The following RCAN3 variants were observed in gnomAD, a reference collection of about 807,000 sequenced individuals.
RCAN3 encodes regulator of calcineurin 3.
RCAN3 carries 19 observed loss-of-function variants against 21.9 expected under a neutral mutation model. That is an observed-to-expected ratio of 0.87 (90% CI 0.61 to 1.27). RCAN3 has a LOEUF of 1.27. Among genes scored for constraint, RCAN3 ranks in the 50% most tolerant of loss-of-function variants. The pLI, the probability that RCAN3 is intolerant of heterozygous loss-of-function variation, is 0.00. For missense variants in RCAN3, 240 were observed against 300.1 expected (o/e 0.80, Z 1.48); for synonymous variants, 114 against 112.3 (o/e 1.01, Z -0.09).
rs1650452070 is a variant in RCAN3 at position 24,540,827 on chromosome 1, C to T, written c.*5550C>T. ...GGTCAGTAATTTATGTACATGTATT[C>T]CACATTTTAGTGTGCTTGAAGTGAC... On this transcript the variant is annotated 3_prime_UTR_variant, in exon 5 of 5. Coordinates refer to ENST00000374395, the MANE Select transcript of RCAN3 (RefSeq NM_013441.4). 1 of 152,098 alleles carries T rather than the reference C, an allele frequency of 6.6e-6. No homozygotes were observed. 9.4% of individuals were successfully genotyped at this position (152,098 alleles called of 1,614,324 possible). A position where few individuals can be genotyped will look rare whatever the true frequency, so the allele number is the denominator to read the frequency against.
rs196432 is a variant in RCAN3, at chr1:24,535,214, G to A, written c.663G>A (p.Thr221=). 755,429 of 1,588,326 alleles carry A rather than the reference G, an allele frequency of 0.48. 182,348 individuals are homozygous for A. Among genetic ancestry groups the A allele is most frequent in the East Asian group, 0.74 (31,229 of 42,440 alleles). The part of the protein sequence containing the change: ...TKNPKQKIAQ[T]RRPDPPTAAL... Reference sequence around the variant, plus strand: ...ACCCCAAACAGAAAATTGCCCAGACGAGGCGCCCCGACCCTCCGACCGCAG... The same window carrying A: ...ACCCCAAACAGAAAATTGCCCAGACAAGGCGCCCCGACCCTCCGACCGCAG... The change falls in exon 5 of 5, where the codon ACG becomes ACA. Residue 221 remains threonine, a synonymous_variant. Coordinates refer to ENST00000374395, the MANE Select transcript of RCAN3 (RefSeq NM_013441.4).
intron 2 of RCAN3, among the ~76,000 whole-genome samples, chr1:24,521,938 A>G (rs946470227): frequency 6.6e-6 from 1 of 152,122 alleles, no homozygotes; most frequent in Non-Finnish European, 1.5e-5. Flanking sequence ...AGTTTAATGT[A>G]TTGAGAGCTT....
chr1:24,521,456 CTCTTAGAAG>C (rs1451363230), intron 2 of RCAN3, among the ~76,000 whole-genome samples: 6 of 152,196 alleles, frequency 3.9e-5, no homozygotes, highest in African/African-American at 1.4e-4. Context: ...AACTATAAAA[CTCTTAGAAG>C]ATGCAGTAGC....
chr1:24,515,737 G>A (rs1190572085), intron 2 of RCAN3, among the ~76,000 whole-genome samples: 1 of 152,204 alleles, frequency 6.6e-6, no homozygotes, highest in African/African-American at 2.4e-5. Flanking sequence ...AGGGGATAGA[G>A]TGTGAGTCAT....
intron 2 of RCAN3, among the ~76,000 whole-genome samples, chr1:24,524,502 A>G (rs1319358776): frequency 6.6e-6 from 1 of 152,216 alleles, no homozygotes; most frequent in Non-Finnish European, 1.5e-5. Flanking sequence ...TAAAGTTTTT[A>G]AATTCACCAT....
rs537642983 is a variant in RCAN3, at chr1:24,505,389, A to G, written c.-60+2239A>G. The stretch of plus-strand genomic sequence containing the variant: ...TGAGTAGCTGGGACTACAGGCGTGC[A>G]CCATGTGTTTTTTTGTAGAGACGGG... On this transcript the variant is annotated intron_variant, in intron 1 of 4. Coordinates refer to ENST00000374395, the MANE Select transcript of RCAN3 (RefSeq NM_013441.4). Among the ~76,000 whole-genome samples, 105 of 151,184 alleles carry G rather than the reference A, an allele frequency of 6.9e-4. 1 individual carries two copies. Among genetic ancestry groups the G allele is most frequent in the Middle Eastern group, 3.2e-3 (1 of 312 alleles).
chr1:24,513,299 C>T (rs1012323592), intron 1 of RCAN3, among the ~76,000 whole-genome samples: 1 of 152,072 alleles, frequency 6.6e-6, no homozygotes, highest in Non-Finnish European at 1.5e-5. Context: ...GGGGCAAGGT[C>T]TCACTATGTT....
At chr1:24,523,603 TACACACACACACACAC>T (rs71577716) in intron 2 of RCAN3, among the ~76,000 whole-genome samples, 6 of 140,760 alleles carry the variant, frequency 4.3e-5, no homozygotes, top group African/African-American at 1.1e-4. Flanking sequence ...TTATTTCTAA[TACACACACACACACAC>T]ACACACACAC....
chr1:24,515,832 A>G (rs935878415), intron 2 of RCAN3, among the ~76,000 whole-genome samples: 3 of 152,052 alleles, frequency 2.0e-5, no homozygotes, highest in African/African-American at 7.2e-5. Context: ...TATCAAATGG[A>G]ATCTTAGTGC....
intron 2 of RCAN3, among the ~76,000 whole-genome samples, chr1:24,524,232 T>C (rs577054744): frequency 1.8e-4 from 28 of 152,094 alleles, no homozygotes; most frequent in Middle Eastern, 6.8e-3. Context: ...AGATAAAAAA[T>C]AAGGAGTTCC....
At chr1:24,521,870 T>A (rs1648845483) in intron 2 of RCAN3, among the ~76,000 whole-genome samples, 1 of 150,780 alleles carries the variant, frequency 6.6e-6, no homozygotes, top group South Asian at 2.1e-4. Context: ...ACAAAAAAAA[T>A]TTTTTTAAAA....
chr1:24,519,906 G>A (rs1013346674), intron 2 of RCAN3, among the ~76,000 whole-genome samples: 1 of 151,962 alleles, frequency 6.6e-6, no homozygotes, highest in African/African-American at 2.4e-5. Context: ...TTTGTGGCTT[G>A]TATAATCATA....
intron 2 of RCAN3, among the ~76,000 whole-genome samples, chr1:24,523,220 C>T (rs937320545): frequency 9.2e-5 from 14 of 152,128 alleles, no homozygotes; most frequent in South Asian, 6.2e-4. Flanking sequence ...CCTGCCACTG[C>T]GCCCGGCTAA....
chr1:24,527,536 C>A (rs1649375908), intron 2 of RCAN3, among the ~76,000 whole-genome samples: 4 of 151,880 alleles, frequency 2.6e-5, no homozygotes, highest in African/African-American at 9.7e-5. Flanking sequence ...TATTGGTGCA[C>A]AAATTATTTT....
Position 24,535,372 on chromosome 1 carries a change from GAGA to G in RCAN3, c.*96_*98del. ...ATGCGTTGCTGCGAACAGCATAGGT[GAGA>G]CTCTGCCGAGTGAGGTATAGGTCTT... On this transcript the variant is annotated 3_prime_UTR_variant, in exon 5 of 5. Transcript: ENST00000374395. 7.3e-7 allele frequency: 1 copy of G among 1,365,938 alleles called. No individual in the cohort carries two copies. Among genetic ancestry groups the G allele is most frequent in the Non-Finnish European group, 9.7e-7 (1 of 1,032,174 alleles). 84.6% of individuals were successfully genotyped at this position (1,365,938 alleles called of 1,614,324 possible).
Position 24,535,214 on chromosome 1 carries a change from G to C in RCAN3, c.663G>C (p.Thr221=), listed in dbSNP as rs196432. The C allele has an allele frequency of 6.3e-7, 1 of 1,588,892 alleles. No homozygotes were observed. Among genetic ancestry groups the C allele is most frequent in the Non-Finnish European group, 8.5e-7 (1 of 1,170,984 alleles). ...ACCCCAAACAGAAAATTGCCCAGACGAGGCGCCCCGACCCTCCGACCGCAG... is the reference window on the plus strand; with the variant it reads ...ACCCCAAACAGAAAATTGCCCAGACCAGGCGCCCCGACCCTCCGACCGCAG... ...TKNPKQKIAQ[T]RRPDPPTAAL... is the part of the protein sequence containing the mutation. The change falls in exon 5 of 5, where the codon ACG becomes ACC. Residue 221 remains threonine (T), a synonymous_variant. Coordinates refer to ENST00000374395, the MANE Select transcript of RCAN3 (RefSeq NM_013441.4).
At chr1:24,519,604 A>G (rs992085602) in intron 2 of RCAN3, among the ~76,000 whole-genome samples, 7 of 152,110 alleles carry the variant, frequency 4.6e-5, no homozygotes, top group Non-Finnish European at 8.8e-5. Flanking sequence ...CCTCCTCACC[A>G]TAGGACATTT....
chr1:24,531,081 A>G (rs547668164), intron 2 of RCAN3, 137 bp from the exon 3 acceptor site: 58 of 577,880 alleles, frequency 1.0e-4, no homozygotes, highest in Middle Eastern at 4.9e-4. Flanking sequence ...CAAGAAAAGT[A>G]TACTTTTTTT....
chr1:24,504,266 A>G (rs1647279426), intron 1 of RCAN3, among the ~76,000 whole-genome samples: 1 of 152,214 alleles, frequency 6.6e-6, no homozygotes, highest in Non-Finnish European at 1.5e-5. Context: ...AGCTCACTGC[A>G]GCCTCAACTT....
Sources: allele counts gnomAD v4.1 joint callset (sites outside exome capture counted in the v4.1 genomes callset), GRCh38; gene constraint gnomAD v4.1.1; transcripts MANE v1.5; gene names NCBI Gene and HGNC (gene_info 2026-07-23, HGNC 2026-07-21).